Variants in SIK3 observed in about 807,000 individuals in gnomAD.
SIK3 encodes SIK family kinase 3, also known as serine/threonine-protein kinase SIK3.
In SIK3, 28 loss-of-function variants were observed where a neutral mutation model predicts 144.2. The ratio of observed to expected loss-of-function variants is 0.19; its 90% confidence interval spans 0.14 to 0.27. The LOEUF is 0.27. Among genes scored for constraint, SIK3 ranks in the 10% least tolerant of loss-of-function variants. The pLI, the probability that SIK3 is intolerant of heterozygous loss-of-function variation, is 1.00. For synonymous variants in SIK3, 686 were observed against 676.3 expected, an observed-to-expected ratio of 1.01 and a Z score of -0.22; for missense variants, 1,319 against 1,776.0, an observed-to-expected ratio of 0.74 and a Z score of 4.62.
chr11:116,966,546 T>C (rs1436461639), intron 1 of SIK3, among the ~76,000 whole-genome samples: 1 of 152,236 alleles, frequency 6.6e-6, no homozygotes, highest in Non-Finnish European at 1.5e-5. Context: ...CAAGTTTGTA[T>C]TAAGTGCTTA....
intron 1 of SIK3, among the ~76,000 whole-genome samples, chr11:117,081,244 C>T (rs1490338417): frequency 1.3e-5 from 2 of 151,874 alleles, no homozygotes; most frequent in African/African-American, 4.8e-5. Flanking sequence ...CTTTCACTTT[C>T]TTTGTTATAC....
intron 15 of SIK3, among the ~76,000 whole-genome samples, chr11:116,865,526 C>T (rs1050621657): frequency 6.6e-6 from 1 of 152,168 alleles, no homozygotes; most frequent in Non-Finnish European, 1.5e-5. Flanking sequence ...GGCTGATACT[C>T]CCACACTATA....
chr11:116,859,694 T>C, intron 19 of SIK3, 90 bp from the exon 20 acceptor site: 2 of 1,109,992 alleles, frequency 1.8e-6, no homozygotes, highest in Non-Finnish European at 2.6e-6. Flanking sequence ...TCAGACGACA[T>C]ACCAGCTAGA....
At chr11:117,078,231 C>A (rs925115988) in intron 1 of SIK3, among the ~76,000 whole-genome samples, 6 of 152,050 alleles carry the variant, frequency 3.9e-5, no homozygotes, top group Non-Finnish European at 8.8e-5. Context: ...TTAAGAATTT[C>A]TGATGTTCTA....
intron 1 of SIK3, among the ~76,000 whole-genome samples, chr11:117,053,422 T>A (rs1316685633): frequency 1.3e-5 from 2 of 152,056 alleles, no homozygotes; most frequent in African/African-American, 4.8e-5. Context: ...AATAGCTATA[T>A]TTATGAAGTA....
Position 116,861,662 on chromosome 11 carries a change from A to C in SIK3, c.2315+179T>G, listed in dbSNP as rs369456857. 8.5e-4 allele frequency among the ~76,000 whole-genome samples: 130 copies of C among 152,308 alleles called. 3 individuals carry two copies. In the South Asian group the frequency reaches 0.026, roughly 31 times the overall value. Reference sequence around the variant, plus strand: ...CTTTGCTCATGGGGCTAAGGAAATGAAGTGGCACAGGAAGTTGGGATTTCA... The same window carrying C: ...CTTTGCTCATGGGGCTAAGGAAATGCAGTGGCACAGGAAGTTGGGATTTCA... On this transcript the variant is annotated intron_variant, in intron 18 of 24. Transcript: ENST00000445177.
chr11:116,873,576 G>A lies in SIK3; in HGVS notation c.1642C>T (p.Arg548Trp), dbSNP rs1250419938. ...TTGGCTCCTCCATCTGATGCCCTCC[G>A]GCCAAGGGGGCCCATTCCATTCAAC... ...QLLNGMGPLGRRASDGGANIQ... is the reference protein window; with the variant it reads ...QLLNGMGPLGWRASDGGANIQ... The change falls in exon 13 of 25, where the codon CGG (arginine) becomes TGG (tryptophan). Residue 548 changes from arginine to tryptophan, a missense_variant. Arg to Trp is a moderately radical substitution (Grantham distance 101). Transcript: ENST00000445177. 3 of 1,607,388 alleles carry A rather than the reference G, an allele frequency of 1.9e-6. No individual in the cohort carries two copies. Among genetic ancestry groups the A allele is most frequent in the Non-Finnish European group, 1.7e-6 (2 of 1,177,188 alleles).
At chr11:117,095,835 G>T (rs2134106854) in intron 1 of SIK3, among the ~76,000 whole-genome samples, 1 of 152,282 alleles carries the variant, frequency 6.6e-6, no homozygotes, top group Middle Eastern at 3.4e-3. Context: ...AAACACAAAT[G>T]AATGCTGGTG....
intron 4 of SIK3, among the ~76,000 whole-genome samples, chr11:116,922,907 C>CTTT (rs202058609): frequency 3.0e-4 from 31 of 102,172 alleles, no homozygotes; most frequent in South Asian, 6.6e-4. Context: ...TTTCTTTTCT[C>CTTT]TTTTTTTTTT....
At chr11:117,060,597 C>CAAA (rs367663538) in intron 1 of SIK3, among the ~76,000 whole-genome samples, 1 of 96,898 alleles carries the variant, frequency 1.0e-5, no homozygotes. Context: ...AACTCCATCT[C>CAAA]AAAAAAAAAA....
At chr11:116,978,756 C>A in intron 1 of SIK3, among the ~76,000 whole-genome samples, 1 of 152,158 alleles carries the variant, frequency 6.6e-6, no homozygotes, top group East Asian at 1.9e-4. Context: ...GATCCTCCTG[C>A]CTCAGCCTCC....
intron 1 of SIK3, among the ~76,000 whole-genome samples, chr11:117,013,903 G>GTGTGTGTGTGTGTGTGTGTGT (rs1555127047): frequency 1.1e-4 from 6 of 52,836 alleles, no homozygotes; most frequent in African/African-American, 3.6e-4. Flanking sequence ...ATTCTGAGGG[G>GTGTGTGTGTGTGTGTGTGTGT]GGGGGGGGGA....
At chr11:117,076,835 C>A (rs1174376209) in intron 1 of SIK3, among the ~76,000 whole-genome samples, 2 of 152,160 alleles carry the variant, frequency 1.3e-5, no homozygotes, top group African/African-American at 4.8e-5. Flanking sequence ...GCCACTGCAC[C>A]CGGCTGCCTT....
chr11:117,003,880 C>A (rs1950946360), intron 1 of SIK3, among the ~76,000 whole-genome samples: 1 of 152,106 alleles, frequency 6.6e-6, no homozygotes, highest in African/African-American at 2.4e-5. Context: ...GTCCCCATTG[C>A]TGAACATTAT....
At chr11:116,880,608 G>A (rs1056787856) in intron 6 of SIK3, among the ~76,000 whole-genome samples, 1 of 152,124 alleles carries the variant, frequency 6.6e-6, no homozygotes, top group African/African-American at 2.4e-5. Flanking sequence ...TATTTCCTAA[G>A]TGTCATGTAG....
chr11:117,049,639 G>A (rs1204494848), intron 1 of SIK3, among the ~76,000 whole-genome samples: 1 of 152,036 alleles, frequency 6.6e-6, no homozygotes, highest in Non-Finnish European at 1.5e-5. Flanking sequence ...TTTTACCCCT[G>A]AAAATTTTAT....
rs139589069 is a variant in SIK3 at position 117,098,076 on chromosome 11, G to A, written c.273+67C>T. ...CCGCGCTCGCCGCCCCGACCCCCCG[G>A]CTGGGGGGCGCGGACCTCTCCCGGC... On this transcript the variant is annotated intron_variant, in intron 1 of 24. Transcript: ENST00000445177. The A allele has an allele frequency of 5.1e-3, 6,369 of 1,247,334 alleles. 24 individuals are homozygous for A. Among genetic ancestry groups the A allele is most frequent in the Middle Eastern group, 7.8e-3 (31 of 3,992 alleles). 77.3% of individuals were successfully genotyped at this position (1,247,334 alleles called of 1,614,324 possible). A position where few individuals can be genotyped will look rare whatever the true frequency, so the allele number is the denominator to read the frequency against.
chr11:117,086,370 G>A (rs1433568689), intron 1 of SIK3, among the ~76,000 whole-genome samples: 3 of 152,126 alleles, frequency 2.0e-5, no homozygotes. Context: ...AAATTCTCAC[G>A]CTGGTTTACC....
chr11:117,055,289 A>G (rs928566552), intron 1 of SIK3, among the ~76,000 whole-genome samples: 6 of 152,238 alleles, frequency 3.9e-5, no homozygotes, highest in Admixed American at 3.9e-4. Context: ...TGTTGTTACT[A>G]TTCCTATTAT....
Sources: gnomAD v4.1 joint callset for allele counts (sites outside exome capture counted in the v4.1 genomes callset) on GRCh38, gnomAD v4.1.1 for gene constraint, MANE v1.5 for transcripts, NCBI Gene and HGNC (gene_info 2026-07-23, HGNC 2026-07-21) for gene names.